HGS: variants seen among roughly 807,000 people sequenced by gnomAD.
The protein encoded by HGS is hepatocyte growth factor-regulated tyrosine kinase substrate, also known as human growth factor-regulated tyrosine kinase substrate.
In HGS, 63 loss-of-function variants were observed where a neutral mutation model predicts 109.7. That is an observed-to-expected ratio of 0.57 (90% CI 0.47 to 0.71). The LOEUF (loss-of-function observed/expected upper bound fraction) is 0.71. Among genes scored for constraint, HGS ranks in the 30% least tolerant of loss-of-function variants. HGS has a pLI of 0.00. For missense variants in HGS, 995 were observed against 1,068.3 expected, an observed-to-expected ratio of 0.93 and a Z score of 0.96; for synonymous variants, 546 against 437.3, an observed-to-expected ratio of 1.25 and a Z score of -3.10.
At position 81,691,169 on chromosome 17, in the gene HGS, A is replaced by G. The variant is rs1041346500; in HGVS notation, c.538-278A>G. 3.0e-5 allele frequency: 14 copies of G among 473,540 alleles called. No individual in the cohort carries two copies. Among genetic ancestry groups the G allele is most frequent in the Admixed American group, 1.7e-4 (5 of 29,624 alleles). 29.3% of individuals were successfully genotyped at this position (473,540 alleles called of 1,614,324 possible). On this transcript the variant is annotated intron_variant, in intron 7 of 21. Transcript: ENST00000329138. The surrounding 1 kb of genome is among the most constrained non-coding windows in gnomAD (Gnocchi z 5.3). ...GCTTCCAGCACCCACTGCACTCACA[A>G]AAGCTCTTGTTTTATCAGCAGAATT...
rs111866727 is a variant in HGS at position 81,686,211 on chromosome 17, G to A, written c.123-101G>A. ...CTCCCAAAGCACTGGGATTACAGGCGTGAGCCACTGCACCTGGCAGCAGAT... is the reference window on the plus strand; with the variant it reads ...CTCCCAAAGCACTGGGATTACAGGCATGAGCCACTGCACCTGGCAGCAGAT... On this transcript the variant is annotated intron_variant, in intron 2 of 21. Transcript: ENST00000329138. 263 of 935,516 alleles carry A rather than the reference G, an allele frequency of 2.8e-4. No individual in the cohort carries two copies. In the African/African-American group the frequency reaches 3.3e-3, roughly 12 times the overall value. 58.0% of individuals were successfully genotyped at this position (935,516 alleles called of 1,614,324 possible). A position where few individuals can be genotyped will look rare whatever the true frequency, so the allele number is the denominator to read the frequency against.
rs772248413 is a variant in HGS, at chr17:81,700,615, C to T, written c.2016+15C>T. On this transcript the variant is annotated intron_variant, in intron 19 of 21. Transcript: ENST00000329138. ...CGGGCTACCAGGTACACAGGAAGGCCGCTCCTCTCCTTCCAGGGCCAGCCC... is the reference window on the plus strand; with the variant it reads ...CGGGCTACCAGGTACACAGGAAGGCTGCTCCTCTCCTTCCAGGGCCAGCCC... The T allele has an allele frequency of 2.3e-4, 366 of 1,595,196 alleles. 1 individual carries two copies. Among genetic ancestry groups the T allele is most frequent in the Non-Finnish European group, 2.8e-4 (330 of 1,169,444 alleles).
Position 81,693,889 on chromosome 17 carries a change from C to T in HGS, c.860C>T (p.Thr287Ile). The change falls in exon 11 of 22, where the codon ACT becomes ATT. Residue 287 changes from threonine to isoleucine, a missense_variant. Coordinates refer to ENST00000329138, the MANE Select transcript of HGS (RefSeq NM_004712.5). ...KERLRQKSTYTSYPKAEPMPS... is the reference protein window; with the variant it reads ...KERLRQKSTYISYPKAEPMPS... ...CCTCAGAGACAGAAGTCCACGTACA[C>T]TTCGTACCCCAAGGCGGAGCCCATG... 2 of 1,610,762 alleles carry T rather than the reference C, an allele frequency of 1.2e-6. No individual in the cohort carries two copies. Among genetic ancestry groups the T allele is most frequent in the Non-Finnish European group, 1.7e-6 (2 of 1,179,626 alleles).
At chr17:81,698,747 G>A (rs921603001) in intron 18 of HGS, among the ~76,000 whole-genome samples, 5 of 152,104 alleles carry the variant, frequency 3.3e-5, no homozygotes, top group Non-Finnish European at 5.9e-5. Context: ...GTGTATGTGC[G>A]AATACATGCG....
chr17:81,684,951 G>A (rs2036951375), intron 1 of HGS: 13 of 985,306 alleles, frequency 1.3e-5, no homozygotes, highest in African/African-American at 1.7e-5. Context: ...ATAGAAAGTG[G>A]ACGTGGCTTG....
intron 2 of HGS, 34 bp downstream of exon 2, chr17:81,685,723 G>C (rs936150630): frequency 2.2e-5 from 35 of 1,563,726 alleles, no homozygotes; most frequent in Admixed American, 3.4e-5. Context: ...TGATGCGGAG[G>C]AGCAGCCGTG....
At position 81,700,580 on chromosome 17, in the gene HGS, A is replaced by C; in HGVS notation, c.1996A>C (p.Thr666Pro). The change falls in exon 19 of 22, where the codon ACT becomes CCT. Residue 666 changes from threonine (T) to proline (P), a missense_variant. Thr to Pro is a conservative substitution (Grantham distance 38). This residue lies in a region of HGS where 326 missense variants were observed against 309.7 expected (regional missense o/e 1.05). Coordinates refer to ENST00000329138, the MANE Select transcript of HGS (RefSeq NM_004712.5). The stretch of plus-strand genomic sequence containing the variant: ...CCCCGCTTACTCATCCTACCAGCCT[A>C]CTCCCACAGCGGGCTACCAGGTACA... Reference protein sequence around the residue: ...ASPAYSSYQPTPTAGYQNVAS... With the variant: ...ASPAYSSYQPPPTAGYQNVAS... The C allele has an allele frequency of 6.2e-7, 1 of 1,607,404 alleles. No homozygotes were observed. Among genetic ancestry groups the C allele is most frequent in the Non-Finnish European group, 8.5e-7 (1 of 1,176,744 alleles).
At chr17:81,686,090 C>T (rs897024435) in intron 2 of HGS, among the ~76,000 whole-genome samples, 2 of 152,050 alleles carry the variant, frequency 1.3e-5, no homozygotes, top group Admixed American at 6.6e-5. Flanking sequence ...ACCATCACGC[C>T]CGGCTGATTT....
At chr17:81,696,160 A>ACAATGCCCTG in intron 15 of HGS, 161 bp downstream of exon 15, 1 of 819,440 alleles carries the variant, frequency 1.2e-6, no homozygotes, top group South Asian at 1.9e-5. Context: ...CTCAGTGATG[A>ACAATGCCCTG]CCATGCCCTG....
chr17:81,690,518 C>G, intron 6 of HGS, 156 bp from the exon 7 acceptor site: 3 of 693,310 alleles, frequency 4.3e-6, no homozygotes, highest in Non-Finnish European at 7.1e-6. Flanking sequence ...AGCTTCACCC[C>G]AGGCCACGCC....
intron 18 of HGS, chr17:81,697,849 TC>T (rs1279858958): frequency 6.6e-6 from 1 of 152,148 alleles, no homozygotes; most frequent in Admixed American, 6.6e-5. Flanking sequence ...TCCTCTGTCA[TC>T]ACTCTTTATT....
intron 4 of HGS, among the ~76,000 whole-genome samples, chr17:81,688,260 G>A (rs2037011327): frequency 6.6e-6 from 1 of 152,176 alleles, no homozygotes; most frequent in South Asian, 2.1e-4. Flanking sequence ...GAATTTGGAG[G>A]CATTTCTGGA....
rs2036990393 is a variant in HGS, at chr17:81,687,081, A to C, written c.277A>C (p.Lys93Gln). Reference protein sequence around the residue: ...VANKQTMEELKDLLKRQVEVN... With the variant: ...VANKQTMEELQDLLKRQVEVN... ...CAACAAGCAGACCATGGAGGAGCTG[A>C]AGGACCTGCTGAAGGTGGGTGAGAC... The change falls in exon 4 of 22, where the codon AAG (lysine) becomes CAG (glutamine). Residue 93 changes from lysine (K) to glutamine (Q), a missense_variant. Lys to Gln is a moderately conservative substitution (Grantham distance 53). This residue lies in a region of HGS where 182 missense variants were observed against 261.3 expected (regional missense o/e 0.70). Coordinates refer to ENST00000329138, the MANE Select transcript of HGS (RefSeq NM_004712.5). 1.2e-6 allele frequency: 2 copies of C among 1,612,788 alleles called. No homozygotes were observed. Among genetic ancestry groups the C allele is most frequent in the Admixed American group, 1.7e-5 (1 of 59,908 alleles).
Position 81,686,324 on chromosome 17 carries a change from T to C in HGS, c.135T>C (p.Ala45=), listed in dbSNP as rs1420600290. The change falls in exon 3 of 22, where the codon GCT becomes GCC. Residue 45 remains alanine (A), a synonymous_variant. Transcript: ENST00000329138. The part of the protein sequence containing the change: ...IRQGDTQAKY[A]VNSIKKKVND... ...GTTTCCTTTTCAGAGCAAAATATGC[T>C]GTGAATTCCATCAAGAAGAAAGTCA... 1 of 1,613,574 alleles carries C rather than the reference T, an allele frequency of 6.2e-7. No individual in the cohort carries two copies. Among genetic ancestry groups the C allele is most frequent in the Non-Finnish European group, 8.5e-7 (1 of 1,179,854 alleles).
Position 81,696,044 on chromosome 17 carries a change from G to T in HGS, c.1393+45G>T, listed in dbSNP as rs776600991. ...GGCCTCGGCTCAGGGGCAGCCAGGT[G>T]TTGTGAGCGCCATCCTGGGCCAGGG... On this transcript the variant is annotated intron_variant, in intron 15 of 21. Coordinates refer to ENST00000329138, the MANE Select transcript of HGS (RefSeq NM_004712.5). The T allele has an allele frequency of 5.4e-6, 8 of 1,487,910 alleles. No homozygotes were observed. In the East Asian group the frequency reaches 1.8e-4, roughly 34 times the overall value. 92.2% of individuals were successfully genotyped at this position (1,487,910 alleles called of 1,614,324 possible).
Position 81,696,751 on chromosome 17 carries a change from T to C in HGS, c.1707+4T>C. On this transcript the variant is annotated splice_donor_region_variant and intron_variant, in intron 17 of 21. Coordinates refer to ENST00000329138, the MANE Select transcript of HGS (RefSeq NM_004712.5). ...CTTCCCCCTGCCCTACGCCCAGGCATGTGCCATCCTCCCGCCACCCAGAGG... is the reference window on the plus strand; with the variant it reads ...CTTCCCCCTGCCCTACGCCCAGGCACGTGCCATCCTCCCGCCACCCAGAGG... 5.6e-6 allele frequency: 9 copies of C among 1,604,498 alleles called. No individual in the cohort carries two copies. Among genetic ancestry groups the C allele is most frequent in the Non-Finnish European group, 7.7e-6 (9 of 1,173,918 alleles).
rs374480236 is a variant in HGS at position 81,696,711 on chromosome 17, C to T, written c.1671C>T (p.Arg557=). ...LEQQKQTVQM[R]AQMPAFPLPY... ...AGCAGAAGCAGACGGTCCAGATGCG[C>T]GCGCAGATGCCCGCCTTCCCCCTGC... Residue 557 remains arginine, a synonymous_variant, in exon 17 of 22, where the codon CGC becomes CGT. Transcript: ENST00000329138. The T allele has an allele frequency of 7.1e-5, 115 of 1,608,762 alleles. No homozygotes were observed. The highest frequency in any genetic ancestry group is 8.9e-5 in the Non-Finnish European group (105 of 1,177,696).
Position 81,691,743 on chromosome 17 carries a change from C to G in HGS, c.662+172C>G. On this transcript the variant is annotated intron_variant, in intron 8 of 21. Transcript: ENST00000329138. The surrounding 1 kb of genome is among the most constrained non-coding windows in gnomAD (Gnocchi z 5.3). ...TGGCCGCATGCCCTCGGACCCTGCC[C>G]CACACTAGGGCAGGTGGGTGTGAGA... is the stretch of plus-strand genomic sequence containing the variant. 3 of 745,890 alleles carry G rather than the reference C, an allele frequency of 4.0e-6. No homozygotes were observed. Among genetic ancestry groups the G allele is most frequent in the Non-Finnish European group, 2.2e-6 (1 of 464,612 alleles). The allele number at this position is 745,890 out of a possible 1,614,324, so 46.2% of individuals were successfully genotyped here.
chr17:81,701,165 G>A (rs745381415), intron 21 of HGS, 34 bp downstream of exon 21: 22 of 1,565,866 alleles, frequency 1.4e-5, no homozygotes, highest in Middle Eastern at 1.7e-4. Flanking sequence ...AGCGGCACCC[G>A]CAGGGCACCC....
Sources: gnomAD v4.1 joint callset for allele counts (sites outside exome capture counted in the v4.1 genomes callset) on GRCh38, gnomAD v4.1.1 for gene constraint, gnomAD v4.1.1 regional missense constraint, Gnocchi (gnomAD v3.1) non-coding constraint, MANE v1.5 for transcripts, NCBI Gene and HGNC (gene_info 2026-07-23, HGNC 2026-07-21) for gene names.